Variants in NAP1L4 observed in about 807,000 individuals in gnomAD.
NAP1L4 encodes nucleosome assembly protein 1-like 4.
In NAP1L4, 15 loss-of-function variants were observed where a neutral mutation model predicts 58.2. The observed-to-expected ratio is 0.26, with a 90% CI of 0.17 to 0.40. The LOEUF (loss-of-function observed/expected upper bound fraction) is 0.40. NAP1L4 is among the 10% of genes least tolerant of loss of function. NAP1L4 has a pLI of 1.00. For synonymous variants in NAP1L4, 171 were observed against 155.6 expected (o/e 1.10, Z -0.74); for missense variants, 384 against 451.1 (o/e 0.85, Z 1.35).
At chr11:2,969,754 T>A in intron 7 of NAP1L4, 49 bp downstream of exon 7, 2 of 1,562,566 alleles carry the variant, frequency 1.3e-6, no homozygotes, top group South Asian at 1.2e-5. Context: ...AGATAAGTAA[T>A]GTTAGAAGAC....
rs1564971554 is a variant in NAP1L4, at chr11:2,949,284, G to C, written c.1123-20C>G. ...TTACACCTAAATGGGGAAAAAAATT[G>C]AAAGGAACTGTCAGCATGAAAGAAA... On this transcript the variant is annotated intron_variant, in intron 14 of 15. Transcript: ENST00000380542. The surrounding 1 kb of genome is among the most constrained non-coding windows in gnomAD (Gnocchi z 4.0). 1 of 1,579,404 alleles carries C rather than the reference G, an allele frequency of 6.3e-7. No homozygotes were observed. The highest frequency in any genetic ancestry group is 8.7e-7 in the Non-Finnish European group (1 of 1,148,462).
At chr11:2,967,636 T>TA (rs201915692) in intron 7 of NAP1L4, among the ~76,000 whole-genome samples, 49 of 146,294 alleles carry the variant, frequency 3.3e-4, no homozygotes, top group East Asian at 6.0e-4. Context: ...AAAATATTGT[T>TA]AAAAAAAAAA....
At chr11:2,977,821 C>A (rs1408950049) in intron 3 of NAP1L4, among the ~76,000 whole-genome samples, 1 of 145,356 alleles carries the variant, frequency 6.9e-6, no homozygotes, top group African/African-American at 2.6e-5. Flanking sequence ...AAATGACATT[C>A]TTAGGATTTG....
intron 1 of NAP1L4, among the ~76,000 whole-genome samples, chr11:2,982,738 C>T (rs1257824122): frequency 1.3e-5 from 2 of 152,196 alleles, no homozygotes; most frequent in Non-Finnish European, 2.9e-5. Flanking sequence ...TCTGTTGCTG[C>T]TAGGCTGGGC....
Position 2,971,556 on chromosome 11 carries a change from T to C in NAP1L4, c.316-22A>G, listed in dbSNP as rs1294482693. 6.3e-7 allele frequency: 1 copy of C among 1,597,574 alleles called. No individual in the cohort carries two copies. The highest frequency in any genetic ancestry group is 8.6e-7 in the Non-Finnish European group (1 of 1,167,336). ...TTCTCTACATAAAAATGAGACCTTA[T>C]TAGAATTATGTTATTAGCTTACTTA... On this transcript the variant is annotated intron_variant, in intron 5 of 15. Coordinates refer to ENST00000380542, the MANE Select transcript of NAP1L4 (RefSeq NM_005969.4). This position sits in a 1 kb window ranked among gnomAD's most constrained non-coding sequence, Gnocchi z 4.2.
In NAP1L4 at chr11:2,958,470, C is replaced by T. The variant is rs759132257; in HGVS notation, c.821G>A (p.Arg274Gln). ...TTTCGTAATTGTTCTAACAGTGCCT[C>T]GACCCTTATGCTTCTGCTTTTTCTT... ...TIKKKQKHKG[R>Q]GTVRTITKQV... Residue 274 changes from arginine to glutamine, a missense_variant, in exon 10 of 16, where the codon CGA becomes CAA. Physicochemically the swap from Arg to Gln is conservative, Grantham distance 43. Coordinates refer to ENST00000380542, the MANE Select transcript of NAP1L4 (RefSeq NM_005969.4). 1.9e-6 allele frequency: 3 copies of T among 1,614,182 alleles called. No homozygotes were observed. The highest frequency in any genetic ancestry group is 3.3e-4 in the Middle Eastern group (2 of 6,062).
chr11:2,954,728 C>T lies in NAP1L4; in HGVS notation c.916-82G>A. The T allele has an allele frequency of 1.3e-6, 2 of 1,578,046 alleles. No individual in the cohort carries two copies. The highest frequency in any genetic ancestry group is 1.7e-6 in the Non-Finnish European group (2 of 1,150,960). On this transcript the variant is annotated intron_variant, in intron 11 of 15. Transcript: ENST00000380542. The surrounding 1 kb of genome is among the most constrained non-coding windows in gnomAD (Gnocchi z 4.8). ...CACCACCCTCAGCCAAACCTCAGCC[C>T]CTCACTTTTGATTTACTTAACTTAA...
intron 8 of NAP1L4, among the ~76,000 whole-genome samples, chr11:2,963,485 G>T (rs3825063): frequency 4.6e-5 from 7 of 152,076 alleles, no homozygotes; most frequent in Non-Finnish European, 8.8e-5. Context: ...CCAGCTCCCA[G>T]GGCCCCACCT....
In NAP1L4 at chr11:2,973,765, G is replaced by T. The variant is rs528690819; in HGVS notation, c.174-1522C>A. Among the ~76,000 whole-genome samples, 321 of 152,246 alleles carry T rather than the reference G, an allele frequency of 2.1e-3. 2 individuals are homozygous for T. The highest frequency in any genetic ancestry group is 3.4e-3 in the Non-Finnish European group (228 of 68,018). On this transcript the variant is annotated intron_variant, in intron 4 of 15. Transcript: ENST00000380542. ...CCATTTTTACCCCTTTTCTGCACTGGTCATTCATTCATTCATTTATTGTGA... is the reference window on the plus strand; with the variant it reads ...CCATTTTTACCCCTTTTCTGCACTGTTCATTCATTCATTCATTTATTGTGA...
chr11:2,976,889 T>C (rs937204859), intron 3 of NAP1L4, among the ~76,000 whole-genome samples: 6 of 152,218 alleles, frequency 3.9e-5, no homozygotes, highest in Non-Finnish European at 7.3e-5. Flanking sequence ...AATCTCCCTC[T>C]TAATGACACA....
intron 1 of NAP1L4, among the ~76,000 whole-genome samples, 182 bp from the exon 2 acceptor site, chr11:2,979,419 A>C (rs571247978): frequency 6.6e-6 from 1 of 152,286 alleles, no homozygotes; most frequent in South Asian, 2.1e-4. Flanking sequence ...CACTTGTTAA[A>C]GCTTATTAAA....
At chr11:2,991,939 G>C (rs907739344) in intron 1 of NAP1L4, 1 of 152,186 alleles carries the variant, frequency 6.6e-6, no homozygotes, top group African/African-American at 2.4e-5. Context: ...CCGCCGCCCA[G>C]GAGGCCGCCC....
At position 2,954,737 on chromosome 11, in the gene NAP1L4, TG is replaced by T. The variant is rs1339147709; in HGVS notation, c.916-92del. ...CAGCCAAACCTCAGCCCCTCACTTT[TG>T]ATTTACTTAACTTAAAACACCAAAC... On this transcript the variant is annotated intron_variant, in intron 11 of 15. Transcript: ENST00000380542. The surrounding 1 kb of genome is among the most constrained non-coding windows in gnomAD (Gnocchi z 4.8). 6.4e-7 allele frequency: 1 copy of T among 1,556,652 alleles called. No individual in the cohort carries two copies. Among genetic ancestry groups the T allele is most frequent in the Admixed American group, 1.7e-5 (1 of 59,758 alleles).
intron 4 of NAP1L4, among the ~76,000 whole-genome samples, chr11:2,973,677 C>T (rs1453973625): frequency 6.6e-6 from 1 of 152,124 alleles, no homozygotes. Context: ...AGAACTACTG[C>T]TAGTAGTAGA....
chr11:2,970,438 A>T (rs10832984), intron 6 of NAP1L4, among the ~76,000 whole-genome samples: 104,145 of 151,630 alleles, frequency 0.69, 36,246 homozygotes, highest in East Asian at 0.9. Flanking sequence ...AAAAAAAAAA[A>T]TTGCCGCAGC....
In NAP1L4 at chr11:2,948,677, A is replaced by G. The variant is rs183000553; in HGVS notation, c.*32+550T>C. Reference sequence around the variant, plus strand: ...AACAGTACTTTTTACTGCTGACACCAAAACAGATGCCAGTTCATGTTTCAG... The same window carrying G: ...AACAGTACTTTTTACTGCTGACACCGAAACAGATGCCAGTTCATGTTTCAG... On this transcript the variant is annotated intron_variant, in intron 15 of 15. Coordinates refer to ENST00000380542, the MANE Select transcript of NAP1L4 (RefSeq NM_005969.4). The surrounding 1 kb of genome is among the most constrained non-coding windows in gnomAD (Gnocchi z 5.1). Among the ~76,000 whole-genome samples, 39 of 152,354 alleles carry G rather than the reference A, an allele frequency of 2.6e-4. No homozygotes were observed. The highest frequency in any genetic ancestry group is 5.6e-4 in the Non-Finnish European group (38 of 68,036).
intron 1 of NAP1L4, among the ~76,000 whole-genome samples, chr11:2,980,415 G>T (rs886459936): frequency 6.6e-6 from 1 of 152,090 alleles, no homozygotes; most frequent in African/African-American, 2.4e-5. Context: ...CAAACTCCTG[G>T]CCTCAAGAGA....
intron 7 of NAP1L4, among the ~76,000 whole-genome samples, chr11:2,965,842 T>C (rs567939022): frequency 6.6e-6 from 1 of 152,378 alleles, no homozygotes; most frequent in East Asian, 1.9e-4. Flanking sequence ...ACACGGTTAC[T>C]TCTTTAAGAA....
intron 8 of NAP1L4, among the ~76,000 whole-genome samples, chr11:2,961,361 A>G (rs74050446): frequency 0.014 from 2,106 of 152,222 alleles, 59 homozygotes; most frequent in African/African-American, 0.048. Context: ...GAGCAAAGGA[A>G]GCGGGTAGGG....
Sources: allele counts gnomAD v4.1 joint callset (sites outside exome capture counted in the v4.1 genomes callset), GRCh38; gene constraint gnomAD v4.1.1; non-coding constraint Gnocchi (gnomAD v3.1); transcripts MANE v1.5; gene names NCBI Gene and HGNC (gene_info 2026-07-23, HGNC 2026-07-21).